The following LRP1B variants were observed in gnomAD, a reference collection of about 807,000 sequenced individuals.
LRP1B encodes the protein low-density lipoprotein receptor-related protein 1B.
LRP1B carries 217 observed loss-of-function variants against 556.6 expected under a neutral mutation model. The ratio of observed to expected loss-of-function variants is 0.39; its 90% confidence interval spans 0.35 to 0.44. The LOEUF is 0.44. Among genes scored for constraint, LRP1B ranks in the 20% least tolerant of loss-of-function variants. The pLI is 1.00. For missense variants in LRP1B, 5,053 were observed against 5,620.8 expected, an observed-to-expected ratio of 0.90 and a Z score of 3.23; for synonymous variants, 2,047 against 1,865.8, an observed-to-expected ratio of 1.10 and a Z score of -2.50.
At chr2:141,018,383 A>ATG (rs1264471072) in intron 12 of LRP1B, among the ~76,000 whole-genome samples, 1 of 152,120 alleles carries the variant, frequency 6.6e-6, no homozygotes, top group African/African-American at 2.4e-5. Context: ...CATGACAGGG[A>ATG]TGCAGATATT....
intron 41 of LRP1B, among the ~76,000 whole-genome samples, chr2:140,607,084 A>G (rs1200121970): frequency 6.6e-6 from 1 of 152,076 alleles, no homozygotes; most frequent in African/African-American, 2.4e-5. Flanking sequence ...TGCTTTATAC[A>G]CTCAACAATA....
intron 2 of LRP1B, among the ~76,000 whole-genome samples, chr2:141,743,486 C>CTTTTTTTTTTTTTTCTTTTTTTTTTTT (rs797003836): frequency 9.3e-6 from 1 of 108,034 alleles, no homozygotes. Flanking sequence ...CTGCTTTTTT[C>CTTTTTTTTTTTTTTCTTTTTTTTTTTT]TTTTTTTTTT....
intron 3 of LRP1B, among the ~76,000 whole-genome samples, chr2:141,309,357 C>T (rs892173487): frequency 5.3e-5 from 8 of 152,166 alleles, no homozygotes; most frequent in South Asian, 2.1e-4. Flanking sequence ...CTTCTCCTTC[C>T]GTGAACGGAA....
At chr2:142,035,164 G>T (rs1703835284) in intron 1 of LRP1B, among the ~76,000 whole-genome samples, 1 of 151,472 alleles carries the variant, frequency 6.6e-6, no homozygotes, top group African/African-American at 2.4e-5. Flanking sequence ...AAAGAAAAAA[G>T]TCCCAATACA....
chr2:141,492,642 G>A (rs1250469622), intron 2 of LRP1B, among the ~76,000 whole-genome samples: 1 of 152,148 alleles, frequency 6.6e-6, no homozygotes, highest in Non-Finnish European at 1.5e-5. Context: ...ATTATAGTGA[G>A]AGGATCAGTT....
intron 2 of LRP1B, among the ~76,000 whole-genome samples, chr2:141,770,076 T>C (rs1332095704): frequency 1.3e-5 from 2 of 152,084 alleles, no homozygotes; most frequent in Admixed American, 6.6e-5. Context: ...TAAAACATCA[T>C]ACTGATTCAA....
At chr2:141,285,455 CTTTT>C (rs1170251213) in intron 3 of LRP1B, among the ~76,000 whole-genome samples, 148 of 110,614 alleles carry the variant, frequency 1.3e-3, no homozygotes, top group African/African-American at 5.4e-3. Flanking sequence ...ATTTTTTTTT[CTTTT>C]TTTTTTTTTT....
At chr2:141,830,639 T>C (rs1208204847) in intron 1 of LRP1B, among the ~76,000 whole-genome samples, 1 of 151,844 alleles carries the variant, frequency 6.6e-6, no homozygotes, top group Non-Finnish European at 1.5e-5. Flanking sequence ...CAGTCTATAA[T>C]TTAAGTCTAG....
chr2:140,511,292 CTT>C (rs70985101), intron 51 of LRP1B, among the ~76,000 whole-genome samples: 20 of 58,446 alleles, frequency 3.4e-4, no homozygotes, highest in African/African-American at 9.1e-4. Flanking sequence ...CTCTAAGGGT[CTT>C]TTTTTTTTTT....
intron 2 of LRP1B, among the ~76,000 whole-genome samples, chr2:141,791,589 T>C (rs1320105706): frequency 1.3e-5 from 2 of 152,076 alleles, no homozygotes; most frequent in Non-Finnish European, 2.9e-5. Context: ...TTATCTTCAT[T>C]TTAATTTGGC....
intron 27 of LRP1B, among the ~76,000 whole-genome samples, chr2:140,862,660 T>G (rs1692832595): frequency 6.6e-6 from 1 of 152,200 alleles, no homozygotes; most frequent in Non-Finnish European, 1.5e-5. Context: ...CACCTCCTGA[T>G]CTACTGAAGT....
chr2:140,747,656 T>C (rs1344889773), intron 35 of LRP1B, among the ~76,000 whole-genome samples: 1 of 152,158 alleles, frequency 6.6e-6, no homozygotes, highest in Non-Finnish European at 1.5e-5. Context: ...CAATCTCCTT[T>C]AGCTTATATG....
At chr2:141,669,325 C>A (rs182704901) in intron 2 of LRP1B, among the ~76,000 whole-genome samples, 2 of 152,218 alleles carry the variant, frequency 1.3e-5, no homozygotes. Flanking sequence ...AAGAGAAAGG[C>A]CTCAGAAGAA....
At chr2:141,447,805 A>G (rs1457249644) in intron 3 of LRP1B, among the ~76,000 whole-genome samples, 1 of 152,052 alleles carries the variant, frequency 6.6e-6, no homozygotes, top group East Asian at 1.9e-4. Flanking sequence ...CAGAAGGCCA[A>G]CTGCCAGGGT....
chr2:141,625,562 G>T (rs915879853), intron 2 of LRP1B, among the ~76,000 whole-genome samples: 2 of 152,084 alleles, frequency 1.3e-5, no homozygotes, highest in Admixed American at 1.3e-4. Flanking sequence ...ATCTTCTTGA[G>T]GGTAGAGACT....
intron 3 of LRP1B, among the ~76,000 whole-genome samples, chr2:141,319,925 A>C (rs1687177556): frequency 6.6e-6 from 1 of 152,134 alleles, no homozygotes; most frequent in African/African-American, 2.4e-5. Context: ...ATATCTTTAA[A>C]TCCAATGATA....
intron 2 of LRP1B, among the ~76,000 whole-genome samples, chr2:141,634,352 A>T (rs1257704412): frequency 6.6e-6 from 1 of 152,006 alleles, no homozygotes; most frequent in African/African-American, 2.4e-5. Context: ...CTTCATAATC[A>T]TTTAAAATAG....
intron 35 of LRP1B, among the ~76,000 whole-genome samples, chr2:140,760,861 C>A (rs1462273446): frequency 6.6e-6 from 1 of 151,900 alleles, no homozygotes; most frequent in East Asian, 1.9e-4. Context: ...CGCATTCCAG[C>A]CTGGGCGACA....
intron 41 of LRP1B, among the ~76,000 whole-genome samples, chr2:140,668,841 A>C (rs573026776): frequency 2.6e-5 from 4 of 152,328 alleles, no homozygotes; most frequent in Admixed American, 2.0e-4. Flanking sequence ...AGAAAAATAA[A>C]AAATATGAAT....
Sources: allele counts gnomAD v4.1 joint callset (sites outside exome capture counted in the v4.1 genomes callset), GRCh38; gene constraint gnomAD v4.1.1; transcripts MANE v1.5; gene names NCBI Gene and HGNC (gene_info 2026-07-23, HGNC 2026-07-21).